The following DNAH14 variants were observed in gnomAD, a reference collection of about 807,000 sequenced individuals.
DNAH14 encodes dynein axonemal heavy chain 14, also known as axonemal beta dynein heavy chain 14.
Under a neutral mutation model 520.9 loss-of-function variants are expected in DNAH14, and 478 were observed. The observed-to-expected ratio is 0.92, with a 90% confidence interval of 0.85 to 0.99. The LOEUF (loss-of-function observed/expected upper bound fraction) is 0.99. DNAH14 is among the 50% of genes least tolerant of loss of function. The pLI, the probability that DNAH14 is intolerant of heterozygous loss-of-function variation, is 0.00. For missense variants in DNAH14, 4,831 were observed against 5,234.5 expected (o/e 0.92, Z 2.38); for synonymous variants, 1,581 against 1,757.2 (o/e 0.90, Z 2.51).
intron 8 of DNAH14, 65 bp from the exon 9 acceptor site, chr1:225,002,718 A>G (rs1342574352): frequency 3.5e-6 from 5 of 1,423,016 alleles, no homozygotes; most frequent in Non-Finnish European, 3.8e-6. Context: ...CACACTACTT[A>G]CCTCTAAATT....
intron 1 of DNAH14, among the ~76,000 whole-genome samples, chr1:224,933,786 G>A (rs1029735379): frequency 6.6e-6 from 1 of 151,956 alleles, no homozygotes; most frequent in Admixed American, 6.6e-5. Context: ...ATTTGATCAT[G>A]GTGTATTATT....
Position 225,271,896 on chromosome 1 carries a change from C to A in DNAH14, c.7672-10C>A. On this transcript the variant is annotated splice_polypyrimidine_tract_variant and intron_variant, in intron 50 of 85. Transcript: ENST00000682510. ...TTTGGCAAGCTAAATTATAACATTT[C>A]TTTTTAAAGGCTCATTTGGGAATTT... 6.5e-7 allele frequency: 1 copy of A among 1,535,674 alleles called. No homozygotes were observed. The highest frequency in any genetic ancestry group is 8.8e-7 in the Non-Finnish European group (1 of 1,142,454).
chr1:225,398,649 T>C lies in DNAH14; in HGVS notation c.13621T>C (p.Tyr4541His), dbSNP rs1039095866. 12 of 1,551,724 alleles carry C rather than the reference T, an allele frequency of 7.7e-6. No homozygotes were observed. The highest frequency in any genetic ancestry group is 1.0e-5 in the Non-Finnish European group (12 of 1,146,968). Residue 4541 changes from tyrosine to histidine, a missense_variant, in exon 85 of 86, where the codon TAC becomes CAC. Physicochemically the swap from Tyr to His is moderately conservative, Grantham distance 83 (BLOSUM62 2). Coordinates refer to ENST00000682510, the MANE Select transcript of DNAH14 (RefSeq NM_001367479.1). ...LEMCCDFPDI[Y>H]FLPTKISTKT... ...GATGTGCTGTGATTTTCCCGACATATACTTTTTGCCAACAAAGGTAATCAC... is the reference window on the plus strand; with the variant it reads ...GATGTGCTGTGATTTTCCCGACATACACTTTTTGCCAACAAAGGTAATCAC...
chr1:225,055,063 T>G (rs2068900336), intron 17 of DNAH14, among the ~76,000 whole-genome samples: 2 of 152,072 alleles, frequency 1.3e-5, no homozygotes, highest in African/African-American at 4.8e-5. Flanking sequence ...TTTTTTACTG[T>G]GTTCATTTTG....
chr1:225,004,864 T>C (rs1444361873), intron 9 of DNAH14, among the ~76,000 whole-genome samples: 1 of 152,114 alleles, frequency 6.6e-6, no homozygotes, highest in Non-Finnish European at 1.5e-5. Context: ...AAGAATGGGA[T>C]TGTTCAGAAG....
chr1:225,356,642 G>T (rs543224305), intron 73 of DNAH14, among the ~76,000 whole-genome samples: 1 of 152,168 alleles, frequency 6.6e-6, no homozygotes, highest in Non-Finnish European at 1.5e-5. Context: ...AGGGAGGGAC[G>T]TGGAGATATG....
At chr1:225,370,365 AAT>A (rs1454380530) in intron 77 of DNAH14, among the ~76,000 whole-genome samples, 3 of 149,982 alleles carry the variant, frequency 2.0e-5, no homozygotes, top group Non-Finnish European at 1.5e-5. Flanking sequence ...TAAAAAGTAA[AAT>A]ATATATATAT....
chr1:225,263,553 T>A (rs1336386933), intron 46 of DNAH14, among the ~76,000 whole-genome samples: 1 of 151,990 alleles, frequency 6.6e-6, no homozygotes, highest in Non-Finnish European at 1.5e-5. Flanking sequence ...ATATCTTGAT[T>A]TCCTCTGCTT....
chr1:225,111,365 C>T (rs757633609), intron 23 of DNAH14, among the ~76,000 whole-genome samples: 3 of 151,980 alleles, frequency 2.0e-5, no homozygotes, highest in Non-Finnish European at 2.9e-5. Context: ...GCTGAATTGA[C>T]CCTTTTATCA....
Position 225,026,551 on chromosome 1 carries a change from G to A in DNAH14, c.1358+2686G>A, listed in dbSNP as rs146265275. On this transcript the variant is annotated intron_variant, in intron 11 of 85. Coordinates refer to ENST00000682510, the MANE Select transcript of DNAH14 (RefSeq NM_001367479.1). ...TCTATTGAATTGTCTTGGCACCCTC[G>A]TTGACAATCAGCTGACCAAAAATGT... Among the ~76,000 whole-genome samples the A allele has an allele frequency of 6.2e-4, 95 of 152,180 alleles. 2 individuals carry two copies. The East Asian group carries it at 0.017, about 27-fold the overall frequency.
At chr1:224,982,669 T>A (rs1394806466) in intron 8 of DNAH14, among the ~76,000 whole-genome samples, 1 of 152,192 alleles carries the variant, frequency 6.6e-6, no homozygotes, top group Non-Finnish European at 1.5e-5. Flanking sequence ...GTTTGAAGAA[T>A]TTTTAAATTT....
In DNAH14 at chr1:225,335,720, T is replaced by C. The variant is rs1357613719; in HGVS notation, c.10081-1546T>C. 2.0e-5 allele frequency among the ~76,000 whole-genome samples: 2 copies of C among 97,696 alleles called. 1 individual carries two copies. The highest frequency in any genetic ancestry group is 4.0e-5 in the Non-Finnish European group (2 of 50,192). 64.1% of individuals were successfully genotyped at this position (97,696 alleles called of 152,430 possible). On this transcript the variant is annotated intron_variant, in intron 66 of 85. Coordinates refer to ENST00000682510, the MANE Select transcript of DNAH14 (RefSeq NM_001367479.1). The stretch of plus-strand genomic sequence containing the variant: ...ATATGTGCATATATGTATATACGCA[T>C]ATATACATATGTGCATATATGTATA...
chr1:224,977,564 A>G lies in DNAH14; in HGVS notation c.830+3411A>G, dbSNP rs191186074. On this transcript the variant is annotated intron_variant, in intron 8 of 85. Transcript: ENST00000682510. The stretch of plus-strand genomic sequence containing the variant: ...AGGGAAGGAAACTTTTGGAGGTGAC[A>G]GTTTATGGCATAGATTGTTCACAGA... Among the ~76,000 whole-genome samples the G allele has an allele frequency of 4.8e-3, 738 of 152,292 alleles. 11 individuals are homozygous for G. The highest frequency in any genetic ancestry group is 0.017 in the African/African-American group (712 of 41,578).
intron 20 of DNAH14, among the ~76,000 whole-genome samples, chr1:225,084,837 GTC>G (rs2073570050): frequency 5.0e-5 from 1 of 20,038 alleles, no homozygotes; most frequent in Non-Finnish European, 7.1e-4. Context: ...CATTATCAGT[GTC>G]TGCTGGATTG....
At chr1:225,012,126 G>A (rs758625879) in intron 10 of DNAH14, among the ~76,000 whole-genome samples, 2 of 152,094 alleles carry the variant, frequency 1.3e-5, no homozygotes, top group Non-Finnish European at 2.9e-5. Flanking sequence ...TCTTTCAGGA[G>A]CTCTTATAAG....
At chr1:225,112,554 G>A (rs2076564547) in intron 23 of DNAH14, among the ~76,000 whole-genome samples, 1 of 151,954 alleles carries the variant, frequency 6.6e-6, no homozygotes. Context: ...TTCAACCCCT[G>A]TCTTCATCTT....
At chr1:225,189,054 C>G (rs2085087135) in intron 37 of DNAH14, among the ~76,000 whole-genome samples, 3 of 151,744 alleles carry the variant, frequency 2.0e-5, no homozygotes, top group Non-Finnish European at 4.4e-5. Flanking sequence ...CGTTTTTTAC[C>G]ATGAAAAGGT....
intron 61 of DNAH14, among the ~76,000 whole-genome samples, chr1:225,322,041 T>TTTTTAAATAA (rs1156881042): frequency 1.9e-4 from 29 of 152,022 alleles, no homozygotes; most frequent in Non-Finnish European, 1.5e-5. Context: ...GGGGTTTCTA[T>TTTTTAAATAA]TTTTAAATAA....
intron 23 of DNAH14, among the ~76,000 whole-genome samples, chr1:225,113,377 G>C (rs1355029795): frequency 6.6e-6 from 1 of 152,150 alleles, no homozygotes; most frequent in African/African-American, 2.4e-5. Context: ...CTGGTGGAGG[G>C]GTGACACAAG....
Sources: allele counts gnomAD v4.1 joint callset (sites outside exome capture counted in the v4.1 genomes callset), GRCh38; gene constraint gnomAD v4.1.1; transcripts MANE v1.5; gene names NCBI Gene and HGNC (gene_info 2026-07-23, HGNC 2026-07-21).